Variants in DCAF6 observed in about 807,000 individuals in gnomAD.
DCAF6 encodes the protein DDB1- and CUL4-associated factor 6.
Under a neutral mutation model 125.1 loss-of-function variants are expected in DCAF6, and 54 were observed. The ratio of observed to expected loss-of-function variants is 0.43; its 90% CI spans 0.35 to 0.54. The LOEUF is 0.54. DCAF6 is among the 20% of genes least tolerant of loss of function. The pLI is 0.01. For synonymous variants in DCAF6, 371 were observed against 390.4 expected, an observed-to-expected ratio of 0.95 and a Z score of 0.58; for missense variants, 934 against 1,161.7, an observed-to-expected ratio of 0.80 and a Z score of 2.85.
In DCAF6 at chr1:168,055,331, GTTTT is replaced by G. The variant is rs554861802; in HGVS notation, c.2300+4424_2300+4427del. ...TTGAATTGAAAAAAATCAGGCTTAAGTTTTTTTTTTTTTTTTTTTTTTTTTTTTT... is the reference window on the plus strand; with the variant it reads ...TTGAATTGAAAAAAATCAGGCTTAAGTTTTTTTTTTTTTTTTTTTTTTTTT... On this transcript the variant is annotated intron_variant, in intron 17 of 21. Transcript: ENST00000367840. Among the ~76,000 whole-genome samples the G allele has an allele frequency of 3.8e-4, 12 of 31,628 alleles. 2 individuals are homozygous for G. The highest frequency in any genetic ancestry group is 5.3e-4 in the African/African-American group (3 of 5,666). 20.7% of individuals were successfully genotyped at this position (31,628 alleles called of 152,430 possible). A position where few individuals can be genotyped will look rare whatever the true frequency, so the allele number is the denominator to read the frequency against.
At chr1:167,940,742 T>C (rs1410156060) in intron 1 of DCAF6, among the ~76,000 whole-genome samples, 1 of 152,164 alleles carries the variant, frequency 6.6e-6, no homozygotes, top group East Asian at 1.9e-4. Flanking sequence ...CTCATATTTC[T>C]TTCCTTTTGG....
At chr1:168,070,476 C>A (rs371069651) in intron 21 of DCAF6, among the ~76,000 whole-genome samples, 18 of 151,966 alleles carry the variant, frequency 1.2e-4, no homozygotes, top group Admixed American at 7.2e-4. Flanking sequence ...AGAAGGCTTC[C>A]TAGGAAGTCC....
At position 168,075,400 on chromosome 1, in the gene DCAF6, T is replaced by C. The variant is rs367578427; in HGVS notation, c.2821T>C (p.Ser941Pro). ...GTTGGAGGGTGACAGATCAGAAGGCTCTGGTCAAGAGAATGAAAATGAGGA... is the reference window on the plus strand; with the variant it reads ...GTTGGAGGGTGACAGATCAGAAGGCCCTGGTCAAGAGAATGAAAATGAGGA... ...DRLEGDRSEGSGQENENEDEE is the reference protein window; with the variant it reads ...DRLEGDRSEGPGQENENEDEE Residue 941 changes from serine to proline, a missense_variant, in exon 22 of 22, where the codon TCT (serine) becomes CCT (proline). Ser to Pro is a moderately conservative substitution (Grantham distance 74). Around this residue, in one of 5 missense-constraint regions of DCAF6, gnomAD observed 36 missense variants for 39.8 expected, o/e 0.91. Transcript: ENST00000367840. 5.0e-6 allele frequency: 8 copies of C among 1,604,600 alleles called. No homozygotes were observed. The highest frequency in any genetic ancestry group is 6.8e-6 in the Non-Finnish European group (8 of 1,177,902).
the DCAF6 span, chr1:167,924,520 AG>A: frequency 1.3e-6 from 2 of 1,586,326 alleles, no homozygotes; most frequent in African/African-American, 1.4e-5. Flanking sequence ...GGAGCCCAGA[AG>A]AAAACTGTTC....
upstream of DCAF6, among the ~76,000 whole-genome samples, chr1:167,935,046 C>T (rs988529828): frequency 1.1e-4 from 17 of 151,922 alleles, no homozygotes; most frequent in Non-Finnish European, 1.5e-5. Flanking sequence ...TCTCATAGAC[C>T]GCGTATTACA....
Position 168,045,171 on chromosome 1 carries a change from T to G in DCAF6, c.2202T>G (p.Ser734Arg). The G allele has an allele frequency of 6.2e-7, 1 of 1,613,892 alleles. No homozygotes were observed. The highest frequency in any genetic ancestry group is 1.3e-5 in the African/African-American group (1 of 75,012). Residue 734 changes from serine to arginine, a missense_variant, in exon 16 of 22, where the codon AGT (serine) becomes AGG (arginine). Ser to Arg is a moderately radical substitution (Grantham distance 110). Transcript: ENST00000367840. ...RDSALQDTDD[S>R]DDDPVLIPGA... ...CTGCTCTTCAGGACACAGATGACAG[T>G]GATGATGACCCAGTCCTGATCCCAG...
At chr1:167,874,072 C>T in the DCAF6 span, among the ~76,000 whole-genome samples, 1 of 152,218 alleles carries the variant, frequency 6.6e-6, no homozygotes, top group Non-Finnish European at 1.5e-5. Context: ...TGGCTCACGC[C>T]TGTAATCCCA....
At chr1:167,875,253 T>G in the DCAF6 span, 1 of 1,492,824 alleles carries the variant, frequency 6.7e-7, no homozygotes, top group African/African-American at 1.4e-5. Context: ...CAAGAGTGAT[T>G]AGTTCTTAGT....
chr1:168,016,087 A>T, intron 11 of DCAF6, 136 bp downstream of exon 11: 1 of 638,316 alleles, frequency 1.6e-6, no homozygotes, highest in Non-Finnish European at 2.2e-6. Flanking sequence ...TTCCTTGCAT[A>T]TGGGTGGTAT....
chr1:167,918,594 C>CTTT, the DCAF6 span, among the ~76,000 whole-genome samples: 282 of 133,192 alleles, frequency 2.1e-3, 3 homozygotes, highest in Middle Eastern at 7.9e-3. Context: ...CTGCCAAAAA[C>CTTT]TTTTTTTTTT....
At chr1:168,045,892 A>G (rs571033564) in intron 16 of DCAF6, among the ~76,000 whole-genome samples, 5 of 152,244 alleles carry the variant, frequency 3.3e-5, no homozygotes, top group Admixed American at 1.3e-4. Context: ...AACTATTTCT[A>G]TTATTAGTGC....
upstream of DCAF6, chr1:167,935,693 G>A (rs1363807606): frequency 6.6e-7 from 1 of 1,510,234 alleles, no homozygotes; most frequent in Non-Finnish European, 9.0e-7. Context: ...GAGGAAGCGA[G>A]AAGGAAGGTC....
the DCAF6 span, chr1:167,904,960 T>C: frequency 6.8e-6 from 11 of 1,614,186 alleles, no homozygotes; most frequent in Non-Finnish European, 9.3e-6. Context: ...CTGTTGCTCA[T>C]CCACATTAAA....
chr1:167,930,181 C>T, the DCAF6 span, among the ~76,000 whole-genome samples: 1 of 152,112 alleles, frequency 6.6e-6, no homozygotes, highest in Non-Finnish European at 1.5e-5. Flanking sequence ...TAAAATAGTA[C>T]CCAAAACATC....
At chr1:168,059,874 C>T (rs1691368682) in intron 17 of DCAF6, among the ~76,000 whole-genome samples, 1 of 152,236 alleles carries the variant, frequency 6.6e-6, no homozygotes, top group East Asian at 1.9e-4. Flanking sequence ...TTTCAAACTC[C>T]TGAGCTCAAG....
chr1:167,869,011 A>G, the DCAF6 span, among the ~76,000 whole-genome samples: 1 of 152,242 alleles, frequency 6.6e-6, no homozygotes, highest in African/African-American at 2.4e-5. Flanking sequence ...AGAGAGGTCT[A>G]TAAAAATTTA....
At chr1:167,913,557 C>G in the DCAF6 span, among the ~76,000 whole-genome samples, 27 of 152,314 alleles carry the variant, frequency 1.8e-4, no homozygotes, top group African/African-American at 6.0e-4. Context: ...CCTTGATTAT[C>G]TTTTGAATTG....
At chr1:167,989,419 A>G (rs1680511963) in intron 5 of DCAF6, among the ~76,000 whole-genome samples, 1 of 152,250 alleles carries the variant, frequency 6.6e-6, no homozygotes, top group South Asian at 2.1e-4. Flanking sequence ...TCCTTTATGT[A>G]TAAAAGTGAA....
intron 1 of DCAF6, among the ~76,000 whole-genome samples, chr1:167,948,495 T>C (rs766536271): frequency 4.6e-5 from 7 of 152,186 alleles, no homozygotes; most frequent in Non-Finnish European, 1.0e-4. Flanking sequence ...ACCATCTCTA[T>C]AAGTAATAAT....
Sources: gnomAD v4.1 joint callset for allele counts (sites outside exome capture counted in the v4.1 genomes callset) on GRCh38, gnomAD v4.1.1 for gene constraint, gnomAD v4.1.1 regional missense constraint, MANE v1.5 for transcripts, NCBI Gene and HGNC (gene_info 2026-07-23, HGNC 2026-07-21) for gene names.